WDR7: variants seen among roughly 807,000 people sequenced by gnomAD.
WDR7 encodes the protein WD repeat domain 7.
In WDR7, 46 loss-of-function variants were observed where a neutral mutation model predicts 169.4. The observed-to-expected ratio is 0.27, with a 90% CI of 0.21 to 0.35. The LOEUF is 0.35. Among genes scored for constraint, WDR7 ranks in the 10% least tolerant of loss-of-function variants. The pLI is 1.00. For synonymous variants in WDR7, 612 were observed against 666.8 expected, an observed-to-expected ratio of 0.92 and a Z score of 1.27; for missense variants, 1,534 against 1,859.3, an observed-to-expected ratio of 0.83 and a Z score of 3.22.
chr18:56,837,636 G>A (rs941946378), intron 20 of WDR7, among the ~76,000 whole-genome samples: 1 of 152,100 alleles, frequency 6.6e-6, no homozygotes, highest in Non-Finnish European at 1.5e-5. Context: ...ATAACATTAA[G>A]CATTTTATAG....
intron 20 of WDR7, among the ~76,000 whole-genome samples, chr18:56,830,240 A>G (rs2045284639): frequency 6.6e-6 from 1 of 152,178 alleles, no homozygotes; most frequent in Non-Finnish European, 1.5e-5. Context: ...TGTAAAATGT[A>G]TACGATTCAT....
chr18:56,947,479 A>G (rs1185059897), intron 25 of WDR7, among the ~76,000 whole-genome samples: 1 of 152,236 alleles, frequency 6.6e-6, no homozygotes, highest in Non-Finnish European at 1.5e-5. Flanking sequence ...ACGCCAAGAA[A>G]GTAGAACTGA....
intron 14 of WDR7, among the ~76,000 whole-genome samples, chr18:56,741,072 A>G (rs1201469501): frequency 6.6e-6 from 1 of 152,116 alleles, no homozygotes; most frequent in Non-Finnish European, 1.5e-5. Context: ...ATTTCTCATT[A>G]TTTTCTACTA....
intron 12 of WDR7, among the ~76,000 whole-genome samples, chr18:56,714,243 C>T (rs1385229083): frequency 6.6e-6 from 1 of 152,006 alleles, no homozygotes; most frequent in African/African-American, 2.4e-5. Context: ...ATTTAAAAAG[C>T]ACAGAACCAT....
At chr18:56,721,786 A>G (rs1405693546) in intron 13 of WDR7, 2 of 152,256 alleles carry the variant, frequency 1.3e-5, no homozygotes, top group Non-Finnish European at 2.9e-5. Flanking sequence ...TTATCTAGCC[A>G]TTACCAAGCC....
At chr18:56,969,881 C>T (rs2047459414) in intron 26 of WDR7, among the ~76,000 whole-genome samples, 1 of 152,046 alleles carries the variant, frequency 6.6e-6, no homozygotes, top group South Asian at 2.1e-4. Context: ...TTTCGTCTTT[C>T]TTACTAGAGA....
chr18:57,007,316 T>C (rs539127383), intron 26 of WDR7, among the ~76,000 whole-genome samples: 10 of 152,298 alleles, frequency 6.6e-5, no homozygotes, highest in African/African-American at 2.4e-4. Context: ...TTTTTATAAT[T>C]ATACTTGGAG....
chr18:57,026,578 A>G (rs537666753), intron 27 of WDR7, among the ~76,000 whole-genome samples: 3 of 152,230 alleles, frequency 2.0e-5, no homozygotes, highest in Non-Finnish European at 4.4e-5. Context: ...CTTTTCTTGA[A>G]CTAATTACAA....
chr18:56,811,711 T>C (rs1048093565), intron 19 of WDR7, among the ~76,000 whole-genome samples: 5 of 152,154 alleles, frequency 3.3e-5, no homozygotes, highest in Non-Finnish European at 7.4e-5. Flanking sequence ...TGTTCAGTTG[T>C]TCTAGCCCTG....
At chr18:56,826,159 CATGGAT>C (rs2045200016) in intron 20 of WDR7, among the ~76,000 whole-genome samples, 1 of 152,184 alleles carries the variant, frequency 6.6e-6, no homozygotes, top group Non-Finnish European at 1.5e-5. Context: ...AATAATAACT[CATGGAT>C]AAGGGTGAAT....
At chr18:56,979,937 A>G (rs960330895) in intron 26 of WDR7, among the ~76,000 whole-genome samples, 1 of 152,234 alleles carries the variant, frequency 6.6e-6, no homozygotes, top group African/African-American at 2.4e-5. Flanking sequence ...GATATACTAA[A>G]AGTAATTATG....
chr18:56,659,963 A>G (rs748648210), intron 1 of WDR7, among the ~76,000 whole-genome samples: 11 of 152,074 alleles, frequency 7.2e-5, no homozygotes, highest in Non-Finnish European at 1.3e-4. Flanking sequence ...CCCTGATGGA[A>G]GATGCTGATT....
At chr18:56,715,995 T>C (rs181590608) in intron 12 of WDR7, among the ~76,000 whole-genome samples, 1 of 152,204 alleles carries the variant, frequency 6.6e-6, no homozygotes, top group African/African-American at 2.4e-5. Context: ...TATTGAACTC[T>C]CTGTTGCTTT....
At chr18:56,841,359 C>G (rs768364304) in intron 20 of WDR7, among the ~76,000 whole-genome samples, 1 of 151,748 alleles carries the variant, frequency 6.6e-6, no homozygotes, top group Non-Finnish European at 1.5e-5. Context: ...CTGGCCAACA[C>G]GGTGAAACCC....
In WDR7 at chr18:56,946,790, T is replaced by C. The variant is rs537769804; in HGVS notation, c.4064+7397T>C. On this transcript the variant is annotated intron_variant, in intron 25 of 27. Transcript: ENST00000254442. The stretch of plus-strand genomic sequence containing the variant: ...AAAGTAAAAATCATTGTGAGAATAT[T>C]ATCAGCTATGATTATTTTCTACAAT... Among the ~76,000 whole-genome samples, 16 of 152,332 alleles carry C rather than the reference T, an allele frequency of 1.1e-4. No homozygotes were observed. In the East Asian group the frequency reaches 2.9e-3, roughly 28 times the overall value.
chr18:56,966,786 G>A (rs1035679376), intron 26 of WDR7, among the ~76,000 whole-genome samples: 7 of 152,238 alleles, frequency 4.6e-5, no homozygotes, highest in Admixed American at 1.3e-4. Flanking sequence ...GCAGGCCAGG[G>A]GATTAAGATA....
intron 21 of WDR7, among the ~76,000 whole-genome samples, chr18:56,910,663 T>C (rs909315644): frequency 1.1e-4 from 16 of 152,332 alleles, no homozygotes; most frequent in Admixed American, 5.9e-4. Context: ...CAAGCTTCTC[T>C]AAAGGGTAAT....
At chr18:56,730,720 C>T (rs562504970) in intron 13 of WDR7, among the ~76,000 whole-genome samples, 35 of 152,010 alleles carry the variant, frequency 2.3e-4, no homozygotes, top group Middle Eastern at 3.4e-3. Flanking sequence ...GAGCCAAGAT[C>T]GCGCCATTGC....
At chr18:56,848,234 G>A (rs1198290385) in intron 20 of WDR7, among the ~76,000 whole-genome samples, 1 of 152,228 alleles carries the variant, frequency 6.6e-6, no homozygotes, top group African/African-American at 2.4e-5. Context: ...TGACTGTTCT[G>A]CTGGGTTTCA....
Sources: gnomAD v4.1 joint callset for allele counts (sites outside exome capture counted in the v4.1 genomes callset) on GRCh38, gnomAD v4.1.1 for gene constraint, MANE v1.5 for transcripts, NCBI Gene and HGNC (gene_info 2026-07-23, HGNC 2026-07-21) for gene names.